PPFIA2: variants seen among roughly 807,000 people sequenced by gnomAD.
The protein encoded by PPFIA2 is PPFI scaffold protein A2.
A neutral mutation model predicts 175.5 loss-of-function variants in PPFIA2; 46 were observed. The ratio of observed to expected loss-of-function variants is 0.26; its 90% CI spans 0.21 to 0.34. The LOEUF is 0.34. PPFIA2 is among the 10% of genes least tolerant of loss of function. PPFIA2 has a pLI of 1.00. For missense variants in PPFIA2, 1,179 were observed against 1,506.1 expected, an observed-to-expected ratio of 0.78 and a Z score of 3.60; for synonymous variants, 568 against 511.4, an observed-to-expected ratio of 1.11 and a Z score of -1.49.
Position 81,407,481 on chromosome 12 carries a change from TTAAAATAAAA to T in PPFIA2, c.646-1588_646-1579del, listed in dbSNP as rs10645878. 6.8e-3 allele frequency among the ~76,000 whole-genome samples: 895 copies of T among 130,794 alleles called. 4 individuals are homozygous for T. The highest frequency in any genetic ancestry group is 0.01 in the African/African-American group (340 of 33,938). The allele number at this position is 130,794 out of a possible 152,430, so 85.8% of individuals were successfully genotyped here. A position where few individuals can be genotyped will look rare whatever the true frequency, so the allele number is the denominator to read the frequency against. ...CTGGGCGACAGAGGGAGACTCTGTC[TTAAAATAAAA>T]TAAAATAAAATAAAATAAAATAAAA... On this transcript the variant is annotated intron_variant, in intron 7 of 32. Coordinates refer to ENST00000549396, the MANE Select transcript of PPFIA2 (RefSeq NM_003625.5).
chr12:81,303,616 T>C (rs2048407594), intron 22 of PPFIA2, among the ~76,000 whole-genome samples: 1 of 152,208 alleles, frequency 6.6e-6, no homozygotes, highest in Non-Finnish European at 1.5e-5. Flanking sequence ...AATAAGTTAC[T>C]GTGACTAGAA....
chr12:81,386,925 C>T (rs1345883074), intron 8 of PPFIA2, among the ~76,000 whole-genome samples: 1 of 152,070 alleles, frequency 6.6e-6, no homozygotes, highest in Non-Finnish European at 1.5e-5. Context: ...GAAGCACTGG[C>T]TAAATACAGA....
intron 4 of PPFIA2, among the ~76,000 whole-genome samples, chr12:81,676,473 A>T (rs1254306560): frequency 6.6e-6 from 1 of 152,024 alleles, no homozygotes; most frequent in Non-Finnish European, 1.5e-5. Context: ...TTGCAACCCA[A>T]ATACTATACT....
chr12:81,415,202 AAAAAAAAAATATATATATATATATATAT>A (rs2044840412), intron 7 of PPFIA2, among the ~76,000 whole-genome samples: 1 of 54,594 alleles, frequency 1.8e-5, no homozygotes, highest in African/African-American at 6.6e-5. Flanking sequence ...AAAAAAAAAA[AAAAAAAAAATATATATATATATATATAT>A]ATATATATAT....
intron 14 of PPFIA2, among the ~76,000 whole-genome samples, chr12:81,365,796 T>A (rs2033036191): frequency 6.6e-6 from 1 of 151,784 alleles, no homozygotes; most frequent in South Asian, 2.1e-4. Flanking sequence ...AGGCCCCACA[T>A]TACATTGTTC....
Position 81,570,190 on chromosome 12 carries a change from A to G in PPFIA2, c.303+106601T>C, listed in dbSNP as rs142700213. Among the ~76,000 whole-genome samples the G allele has an allele frequency of 4.5e-4, 69 of 152,344 alleles. No individual in the cohort carries two copies. The East Asian group carries it at 0.012, about 27-fold the overall frequency. The stretch of plus-strand genomic sequence containing the variant: ...TTATCTTGGGAATCAAAGATGATGT[A>G]TTGAAAGATAAGTTTTCACTAAACC... On this transcript the variant is annotated intron_variant, in intron 4 of 32. Transcript: ENST00000549396.
At chr12:81,736,097 T>G (rs908348348) in intron 3 of PPFIA2, among the ~76,000 whole-genome samples, 2 of 151,962 alleles carry the variant, frequency 1.3e-5, no homozygotes, top group Non-Finnish European at 2.9e-5. Flanking sequence ...CATCCCTTCC[T>G]GTATAAAAGG....
chr12:81,723,080 G>A (rs946078418), intron 3 of PPFIA2, among the ~76,000 whole-genome samples: 7 of 151,048 alleles, frequency 4.6e-5, no homozygotes, highest in African/African-American at 1.7e-4. Flanking sequence ...AAAGGCACAA[G>A]TGCACATATT....
chr12:81,545,124 C>T lies in PPFIA2; in HGVS notation c.304-87258G>A, dbSNP rs1209031219. On this transcript the variant is annotated intron_variant, in intron 4 of 32. Coordinates refer to ENST00000549396, the MANE Select transcript of PPFIA2 (RefSeq NM_003625.5). ...ATTTTCAGCCTTCCACAGTAATCAA[C>T]ACTTTCAAAAACTGAGATACACATA... 2.6e-5 allele frequency among the ~76,000 whole-genome samples: 4 copies of T among 151,702 alleles called. No individual in the cohort carries two copies. The East Asian group carries it at 5.8e-4, about 22-fold the overall frequency.
rs919993504 is a variant in PPFIA2, at chr12:81,507,182, C to T, written c.304-49316G>A. Among the ~76,000 whole-genome samples, 8 of 152,148 alleles carry T rather than the reference C, an allele frequency of 5.3e-5. No homozygotes were observed. The East Asian group carries it at 1.5e-3, about 29-fold the overall frequency. On this transcript the variant is annotated intron_variant, in intron 4 of 32. Coordinates refer to ENST00000549396, the MANE Select transcript of PPFIA2 (RefSeq NM_003625.5). ...GCCTAAGACTATATGATATTTTTAA[C>T]ACAAGCTATCATTGGTTCATATTGA...
intron 3 of PPFIA2, among the ~76,000 whole-genome samples, chr12:81,714,105 A>G (rs1301689567): frequency 6.6e-6 from 1 of 151,150 alleles, no homozygotes; most frequent in Admixed American, 6.8e-5. Flanking sequence ...AGAAAAGAAA[A>G]CAAAGAGGTA....
At chr12:81,634,006 T>A (rs1365621100) in intron 4 of PPFIA2, among the ~76,000 whole-genome samples, 6 of 152,106 alleles carry the variant, frequency 3.9e-5, no homozygotes, top group Non-Finnish European at 8.8e-5. Flanking sequence ...TGTGTTAAAC[T>A]GGTGTTAACT....
At chr12:81,476,908 G>A (rs2057544433) in intron 4 of PPFIA2, among the ~76,000 whole-genome samples, 1 of 152,130 alleles carries the variant, frequency 6.6e-6, no homozygotes, top group Non-Finnish European at 1.5e-5. Flanking sequence ...GTCCTTTGCA[G>A]GGACATGGAT....
intron 4 of PPFIA2, among the ~76,000 whole-genome samples, chr12:81,608,680 AT>A (rs1215904008): frequency 1.3e-5 from 2 of 150,820 alleles, no homozygotes; most frequent in South Asian, 2.1e-4. Context: ...TGGATCTTCT[AT>A]TTTTTTTCTT....
At chr12:81,315,883 A>G (rs1340795110) in intron 22 of PPFIA2, among the ~76,000 whole-genome samples, 1 of 151,688 alleles carries the variant, frequency 6.6e-6, no homozygotes, top group Non-Finnish European at 1.5e-5. Flanking sequence ...TCCTCATCAC[A>G]TTAAATATAA....
At chr12:81,598,093 C>CG in intron 4 of PPFIA2, 1 of 1,532,136 alleles carries the variant, frequency 6.5e-7, no homozygotes, top group African/African-American at 1.4e-5. Context: ...GAGAGCTTAG[C>CG]GTACAGATAA....
chr12:81,583,108 G>T (rs751885728), intron 4 of PPFIA2, among the ~76,000 whole-genome samples: 3 of 151,818 alleles, frequency 2.0e-5, no homozygotes, highest in African/African-American at 4.8e-5. Context: ...GATAATCACA[G>T]AAATCTACTT....
At chr12:81,429,252 T>C (rs988255718) in intron 7 of PPFIA2, among the ~76,000 whole-genome samples, 1 of 152,052 alleles carries the variant, frequency 6.6e-6, no homozygotes. Flanking sequence ...AGAGATAGAA[T>C]TTAAAAATAC....
At chr12:81,603,536 T>C (rs1595508457) in intron 4 of PPFIA2, among the ~76,000 whole-genome samples, 1 of 151,456 alleles carries the variant, frequency 6.6e-6, no homozygotes, top group African/African-American at 2.4e-5. Flanking sequence ...TTTTGAAAAA[T>C]TACTTTAAGA....
Sources: allele counts gnomAD v4.1 joint callset (sites outside exome capture counted in the v4.1 genomes callset), GRCh38; gene constraint gnomAD v4.1.1; transcripts MANE v1.5; gene names NCBI Gene and HGNC (gene_info 2026-07-23, HGNC 2026-07-21).